Variants in GRAMD1A observed in about 807,000 individuals in gnomAD.
The protein encoded by GRAMD1A is GRAM domain containing 1A.
GRAMD1A carries 50 observed loss-of-function variants against 92.0 expected under a neutral mutation model. The ratio of observed to expected loss-of-function variants is 0.54; its 90% CI spans 0.43 to 0.69. The LOEUF (loss-of-function observed/expected upper bound fraction) is 0.69, where lower values mean the gene tolerates loss of function less well. GRAMD1A is among the 30% of genes least tolerant of loss of function. GRAMD1A has a pLI of 0.00. For synonymous variants in GRAMD1A, 405 were observed against 403.6 expected, an observed-to-expected ratio of 1.00 and a Z score of -0.04; for missense variants, 819 against 978.9, an observed-to-expected ratio of 0.84 and a Z score of 2.18.
chr19:34,999,219 T>G (rs1427576679), upstream of GRAMD1A, among the ~76,000 whole-genome samples: 2 of 152,020 alleles, frequency 1.3e-5, no homozygotes, highest in Non-Finnish European at 2.9e-5. Flanking sequence ...AGCCCACAGT[T>G]TGTGACGGAT....
chr19:35,000,182 C>T, upstream of GRAMD1A: 2 of 1,012,654 alleles, frequency 2.0e-6, no homozygotes, highest in Non-Finnish European at 2.4e-6. The surrounding 1 kb of genome is among the most constrained non-coding windows in gnomAD (Gnocchi z 4.9). Context: ...CAGTCCCTCT[C>T]TCCCCGGCTT....
In GRAMD1A at chr19:35,009,228, A is replaced by G. The variant is rs752296570; in HGVS notation, c.118A>G (p.Met40Val). Residue 40 changes from methionine (M) to valine (V), a missense_variant, in exon 2 of 20, where the codon ATG becomes GTG. Met to Val is a conservative substitution (Grantham distance 21, BLOSUM62 1). Coordinates refer to ENST00000317991, the MANE Select transcript of GRAMD1A (RefSeq NM_020895.5). ...CCCACCTGAGCCAGAACCAGGCACC[A>G]TGGTGGAGAAGGGATCAGATAGCTC... ...RPPPEPEPGT[M>V]VEKGSDSSSE... The G allele has an allele frequency of 1.2e-6, 2 of 1,613,686 alleles. No homozygotes were observed. The highest frequency in any genetic ancestry group is 1.1e-5 in the South Asian group (1 of 91,070).
chr19:35,009,542 G>C, intron 3 of GRAMD1A, 99 bp downstream of exon 3: 1 of 1,256,992 alleles, frequency 8.0e-7, no homozygotes, highest in South Asian at 1.2e-5. Context: ...TGCTGAGATG[G>C]AGTGGGTGCA....
rs1207074804 is a variant in GRAMD1A at position 35,013,402 on chromosome 19, G to T, written c.719+34G>T. 1 of 1,509,750 alleles carries T rather than the reference G, an allele frequency of 6.6e-7. No individual in the cohort carries two copies. Among genetic ancestry groups the T allele is most frequent in the Non-Finnish European group, 9.1e-7 (1 of 1,099,192 alleles). The allele number at this position is 1,509,750 out of a possible 1,614,324, so 93.5% of individuals were successfully genotyped here. On this transcript the variant is annotated intron_variant, in intron 8 of 19. Coordinates refer to ENST00000317991, the MANE Select transcript of GRAMD1A (RefSeq NM_020895.5). This position sits in a 1 kb window ranked among gnomAD's most constrained non-coding sequence, Gnocchi z 4.9. ...GAGGTCAAAGGAGGTTGAAGGGTTC[G>T]GGGGAGAACAGGACGGTCGGCGTGC...
In GRAMD1A at chr19:35,018,121, G is replaced by A. The variant is rs574266597; in HGVS notation, c.1214-1070G>A. Among the ~76,000 whole-genome samples the A allele has an allele frequency of 6.6e-5, 10 of 151,786 alleles. No individual in the cohort carries two copies. The East Asian group carries it at 7.7e-4, about 12-fold the overall frequency. Reference sequence around the variant, plus strand: ...TCCTGCCTCAGCCTCCTGAGTAGCCGGGATTATAGGCGCCCACCGTCACGC... The same window carrying A: ...TCCTGCCTCAGCCTCCTGAGTAGCCAGGATTATAGGCGCCCACCGTCACGC... On this transcript the variant is annotated intron_variant, in intron 11 of 19. Transcript: ENST00000317991.
At chr19:35,001,869 A>G (rs1335522567) in intron 1 of GRAMD1A, among the ~76,000 whole-genome samples, 1 of 151,984 alleles carries the variant, frequency 6.6e-6, no homozygotes, top group Non-Finnish European at 1.5e-5. Flanking sequence ...CGGCCTCCCA[A>G]AGTGCTGGGA....
upstream of GRAMD1A, chr19:34,999,963 C>G: frequency 1.1e-5 from 11 of 984,054 alleles, no homozygotes; most frequent in Non-Finnish European, 1.3e-5. Flanking sequence ...AGTCCTCCCC[C>G]ACCTTCGCCC....
Position 35,013,329 on chromosome 19 carries a change from A to C in GRAMD1A, c.680A>C (p.Asp227Ala). 6.4e-7 allele frequency: 1 copy of C among 1,554,760 alleles called. No homozygotes were observed. The highest frequency in any genetic ancestry group is 8.7e-7 in the Non-Finnish European group (1 of 1,148,022). Residue 227 changes from aspartate (D) to alanine (A), a missense_variant, in exon 8 of 20, where the codon GAT becomes GCT. Transcript: ENST00000317991. This position sits in a 1 kb window ranked among gnomAD's most constrained non-coding sequence, Gnocchi z 4.9. ...YGSELGLTSEDEDYVSPLQLN... is the reference protein window; with the variant it reads ...YGSELGLTSEAEDYVSPLQLN... Reference sequence around the variant, plus strand: ...TCAGAGCTGGGCCTCACCAGTGAGGATGAGGACTATGTCTCCCCCTTGCAG... The same window carrying C: ...TCAGAGCTGGGCCTCACCAGTGAGGCTGAGGACTATGTCTCCCCCTTGCAG...
chr19:35,023,316 C>A lies in GRAMD1A; in HGVS notation c.1934C>A (p.Ser645Tyr). Reference protein sequence around the residue: ...SLERTAHTFESWHSLALAKGK... With the variant: ...SLERTAHTFEYWHSLALAKGK... ...GAAAGGACAGCCCACACCTTTGAGT[C>A]CTGGCACAGCCTGGCCCTGGCCAAG... Residue 645 changes from serine to tyrosine, a missense_variant, in exon 18 of 20, where the codon TCC becomes TAC. Physicochemically the swap from Ser to Tyr is moderately radical, Grantham distance 144. Transcript: ENST00000317991. 1.2e-6 allele frequency: 2 copies of A among 1,614,146 alleles called. No individual in the cohort carries two copies. The highest frequency in any genetic ancestry group is 4.5e-5 in the East Asian group (2 of 44,878).
Position 35,000,498 on chromosome 19 carries a change from G to T in GRAMD1A, c.8+12G>T. The T allele has an allele frequency of 7.8e-7, 1 of 1,275,352 alleles. No individual in the cohort carries two copies. 79.0% of individuals were successfully genotyped at this position (1,275,352 alleles called of 1,614,324 possible). On this transcript the variant is annotated intron_variant, in intron 1 of 19. Transcript: ENST00000317991. The surrounding 1 kb of genome is among the most constrained non-coding windows in gnomAD (Gnocchi z 4.9). ...GCATCCATGTTCGAGTAAGGACCGG[G>T]CGACTAGAGCTCAGGGACCGGGCGC...
intron 1 of GRAMD1A, among the ~76,000 whole-genome samples, chr19:35,003,197 A>G (rs2014541709): frequency 6.6e-6 from 1 of 151,240 alleles, no homozygotes; most frequent in African/African-American, 2.4e-5. Context: ...AGAGAGAGAG[A>G]GGAAAGAGAC....
At chr19:35,003,237 C>T (rs1213033390) in intron 1 of GRAMD1A, among the ~76,000 whole-genome samples, 1 of 151,792 alleles carries the variant, frequency 6.6e-6, no homozygotes, top group African/African-American at 2.4e-5. Context: ...ATGCAGTTTA[C>T]CCCTGACACC....
chr19:35,006,677 A>G (rs2014841218), intron 1 of GRAMD1A, among the ~76,000 whole-genome samples: 1 of 152,200 alleles, frequency 6.6e-6, no homozygotes, highest in African/African-American at 2.4e-5. Context: ...AGCTCCAGCC[A>G]GCGTGCAGAT....
chr19:35,015,728 C>A, intron 10 of GRAMD1A, 96 bp from the exon 11 acceptor site: 1 of 1,226,110 alleles, frequency 8.2e-7, no homozygotes, highest in Non-Finnish European at 1.1e-6. Flanking sequence ...GGGGTCCGCC[C>A]ATGCACACTA....
upstream of GRAMD1A, among the ~76,000 whole-genome samples, chr19:34,995,570 G>GTTTTTTTTTTTTTTTTTTTTTTTT (rs1173583059): frequency 1.4e-4 from 11 of 80,956 alleles, 4 homozygotes; most frequent in Non-Finnish European, 1.2e-4. Context: ...TCAGATCACG[G>GTTTTTTTTTTTTTTTTTTTTTTTT]GTTTTTTTTT....
chr19:35,018,928 A>G (rs1157144669), intron 11 of GRAMD1A, among the ~76,000 whole-genome samples: 1 of 151,674 alleles, frequency 6.6e-6, no homozygotes, highest in Non-Finnish European at 1.5e-5. Context: ...TTCCAGGGGA[A>G]GGTGTTCAAA....
intron 11 of GRAMD1A, among the ~76,000 whole-genome samples, chr19:35,016,531 A>G (rs1011125667): frequency 2.1e-5 from 3 of 145,202 alleles, no homozygotes; most frequent in Non-Finnish European, 4.5e-5. Context: ...TCGGAGGCGG[A>G]GGTTGCAGTG....
At chr19:35,023,699 T>C (rs1277149998) in intron 19 of GRAMD1A, 152 bp downstream of exon 19, 8 of 688,312 alleles carry the variant, frequency 1.2e-5, no homozygotes, top group Non-Finnish European at 1.9e-5. Context: ...CCCCACAGCA[T>C]TGCAGGGGAA....
Position 35,013,556 on chromosome 19 carries a change from G to A in GRAMD1A, c.735G>A (p.Val245=), listed in dbSNP as rs1215161766. 3 of 1,607,146 alleles carry A rather than the reference G, an allele frequency of 1.9e-6. No individual in the cohort carries two copies. The highest frequency in any genetic ancestry group is 2.6e-6 in the Non-Finnish European group (3 of 1,175,704). ...QLNGLGTPKE[V]GDVIALSDIT... is the part of the protein sequence containing the mutation. ...TTTCCCACAGGACCCCCAAGGAAGT[G>A]GGAGATGTGATCGCCCTGAGCGACA... The change falls in exon 9 of 20, where the codon GTG becomes GTA. Residue 245 remains valine (V), a synonymous_variant. Coordinates refer to ENST00000317991, the MANE Select transcript of GRAMD1A (RefSeq NM_020895.5). The surrounding 1 kb of genome is among the most constrained non-coding windows in gnomAD (Gnocchi z 4.9).
Sources: gnomAD v4.1 joint callset for allele counts (sites outside exome capture counted in the v4.1 genomes callset) on GRCh38, gnomAD v4.1.1 for gene constraint, Gnocchi (gnomAD v3.1) non-coding constraint, MANE v1.5 for transcripts, NCBI Gene and HGNC (gene_info 2026-07-23, HGNC 2026-07-21) for gene names.